The following RBFOX1 variants were observed in gnomAD, a reference collection of about 807,000 sequenced individuals.
The protein encoded by RBFOX1 is RNA binding protein fox-1 homolog 1.
Under a neutral mutation model 57.7 loss-of-function variants are expected in RBFOX1, and 8 were observed. That is an observed-to-expected ratio of 0.14 (90% CI 0.08 to 0.25). The LOEUF is 0.25. Ranked by LOEUF, RBFOX1 falls within the 10% of genes least tolerant of loss-of-function variation. The probability of loss-of-function intolerance (pLI) is 1.00; values close to 1 mark genes in which losing one functional copy is unlikely to be tolerated. For synonymous variants in RBFOX1, 326 were observed against 222.4 expected, an observed-to-expected ratio of 1.47 and a Z score of -4.15; for missense variants, 611 against 548.5, an observed-to-expected ratio of 1.11 and a Z score of -1.14.
intron 3 of RBFOX1, among the ~76,000 whole-genome samples, chr16:6,915,235 C>A (rs933153196): frequency 6.6e-6 from 1 of 152,138 alleles, no homozygotes; most frequent in South Asian, 2.1e-4. Flanking sequence ...CTGGATGAAG[C>A]CTGTGGTCCT....
At chr16:5,259,039 C>G (rs1450425476) in intron 1 of RBFOX1, among the ~76,000 whole-genome samples, 1 of 152,138 alleles carries the variant, frequency 6.6e-6, no homozygotes, top group Non-Finnish European at 1.5e-5. Flanking sequence ...AGCGCAGGTT[C>G]AAGCATTCCC....
At chr16:7,252,629 C>T (rs887827224) in intron 4 of RBFOX1, among the ~76,000 whole-genome samples, 2 of 151,456 alleles carry the variant, frequency 1.3e-5, no homozygotes, top group African/African-American at 4.8e-5. Context: ...CTGAGTGTTT[C>T]AGTTAACCTG....
chr16:6,273,152 C>T (rs2075390777), intron 1 of RBFOX1, among the ~76,000 whole-genome samples: 2 of 151,168 alleles, frequency 1.3e-5, no homozygotes, highest in African/African-American at 2.4e-5. Context: ...CCTAGTTACT[C>T]GGGAGGCTGA....
chr16:7,016,172 C>A (rs745970520), intron 3 of RBFOX1, among the ~76,000 whole-genome samples: 8 of 152,096 alleles, frequency 5.3e-5, no homozygotes, highest in African/African-American at 1.7e-4. Context: ...TCCCTTGCCG[C>A]GGTGAATTTG....
chr16:6,276,346 T>G (rs926735028), intron 1 of RBFOX1, among the ~76,000 whole-genome samples: 8 of 152,152 alleles, frequency 5.3e-5, no homozygotes, highest in Admixed American at 4.6e-4. Flanking sequence ...GAGAGTCTTT[T>G]TTTTTGTTAA....
intron 1 of RBFOX1, among the ~76,000 whole-genome samples, chr16:6,022,144 G>C (rs888465554): frequency 6.6e-6 from 1 of 152,084 alleles, no homozygotes; most frequent in Non-Finnish European, 1.5e-5. Context: ...TTGCTGTCTT[G>C]ACAAGCACCT....
At chr16:7,522,125 G>T (rs1207396090) in intron 5 of RBFOX1, among the ~76,000 whole-genome samples, 1 of 152,192 alleles carries the variant, frequency 6.6e-6, no homozygotes, top group Non-Finnish European at 1.5e-5. Context: ...TACATGGAAT[G>T]AAGACCATTT....
intron 3 of RBFOX1, among the ~76,000 whole-genome samples, chr16:6,817,581 G>T (rs1405092043): frequency 6.6e-6 from 1 of 150,822 alleles, no homozygotes; most frequent in African/African-American, 2.4e-5. Context: ...TGGCGCATGC[G>T]TGTAATTGCA....
chr16:6,554,745 CACACACACACACAG>C (rs1354011595), intron 2 of RBFOX1, among the ~76,000 whole-genome samples: 8 of 150,210 alleles, frequency 5.3e-5, no homozygotes, highest in African/African-American at 1.8e-4. Flanking sequence ...CACACACACA[CACACACACACACAG>C]ACACACACAC....
intron 2 of RBFOX1, among the ~76,000 whole-genome samples, chr16:6,347,287 C>T (rs1210400875): frequency 1.3e-5 from 2 of 152,192 alleles, no homozygotes; most frequent in Non-Finnish European, 2.9e-5. Flanking sequence ...TTCTCATCCT[C>T]AACCACCATC....
At chr16:5,574,719 A>C (rs181922940) in intron 2 of RBFOX1, among the ~76,000 whole-genome samples, 2 of 151,984 alleles carry the variant, frequency 1.3e-5, no homozygotes, top group Non-Finnish European at 2.9e-5. Flanking sequence ...TTAAACGTCA[A>C]TGCTTCTCTC....
intron 1 of RBFOX1, among the ~76,000 whole-genome samples, chr16:6,176,437 G>A (rs1052995701): frequency 4.6e-5 from 7 of 151,426 alleles, no homozygotes; most frequent in Non-Finnish European, 1.5e-5. Flanking sequence ...GGGATTACAG[G>A]CATGAGCTAC....
chr16:6,175,529 C>T (rs940508327), intron 1 of RBFOX1, among the ~76,000 whole-genome samples: 2 of 152,050 alleles, frequency 1.3e-5, no homozygotes, highest in Non-Finnish European at 2.9e-5. Context: ...AGAGGATGGG[C>T]TTAGAGGTGG....
At chr16:7,349,678 G>C (rs545993427) in intron 4 of RBFOX1, among the ~76,000 whole-genome samples, 1 of 152,224 alleles carries the variant, frequency 6.6e-6, no homozygotes, top group East Asian at 1.9e-4. Context: ...GATGGCTGTG[G>C]CTTGCTTTCC....
At chr16:6,231,523 A>G (rs572678336) in intron 1 of RBFOX1, among the ~76,000 whole-genome samples, 1 of 152,332 alleles carries the variant, frequency 6.6e-6, no homozygotes, top group East Asian at 1.9e-4. Flanking sequence ...TCATGTTGGC[A>G]TTAACGCTAA....
At position 6,019,466 on chromosome 16, in the gene RBFOX1, G is replaced by A; in HGVS notation, c.-653G>A. The A allele has an allele frequency of 2.0e-6, 2 of 996,738 alleles. No individual in the cohort carries two copies. Among genetic ancestry groups the A allele is most frequent in the Non-Finnish European group, 1.2e-6 (1 of 837,716 alleles). The allele number at this position is 996,738 out of a possible 1,614,324, so 61.7% of individuals were successfully genotyped here. ...GGGTGGGGAAACCCGAACTCGCGGA[G>A]GGGAATCCCTCCCCCTCCGCCCCAG... On this transcript the variant is annotated 5_prime_UTR_variant, in exon 1 of 16. Coordinates refer to ENST00000550418, the MANE Select transcript of RBFOX1 (RefSeq NM_018723.4). This position sits in a 1 kb window ranked among gnomAD's most constrained non-coding sequence, Gnocchi z 4.2.
intron 3 of RBFOX1, among the ~76,000 whole-genome samples, chr16:5,781,066 A>G (rs1443617509): frequency 6.6e-6 from 1 of 152,228 alleles, no homozygotes; most frequent in Non-Finnish European, 1.5e-5. Context: ...GGGTTTGGCA[A>G]CTTTTAAAAA....
At chr16:7,312,254 C>G (rs1213549246) in intron 4 of RBFOX1, among the ~76,000 whole-genome samples, 2 of 152,172 alleles carry the variant, frequency 1.3e-5, no homozygotes, top group Admixed American at 1.3e-4. Flanking sequence ...GTGGAGCACA[C>G]TTGTAATCCC....
At chr16:6,872,944 T>C (rs1418916263) in intron 3 of RBFOX1, among the ~76,000 whole-genome samples, 2 of 152,188 alleles carry the variant, frequency 1.3e-5, no homozygotes, top group East Asian at 3.9e-4. Flanking sequence ...TGCTCTGTTT[T>C]ACTTCCCCGG....
Sources: allele counts gnomAD v4.1 joint callset (sites outside exome capture counted in the v4.1 genomes callset), GRCh38; gene constraint gnomAD v4.1.1; non-coding constraint Gnocchi (gnomAD v3.1); transcripts MANE v1.5; gene names NCBI Gene and HGNC (gene_info 2026-07-23, HGNC 2026-07-21).